PRKG1: variants seen among roughly 807,000 people sequenced by gnomAD.
PRKG1 encodes the protein protein kinase cGMP-dependent 1.
A neutral mutation model predicts 88.1 loss-of-function variants in PRKG1; 35 were observed. The observed-to-expected ratio is 0.40, with a 90% CI of 0.30 to 0.53. The LOEUF is 0.53. Ranked by LOEUF, PRKG1 falls within the 20% of genes least tolerant of loss-of-function variation. The pLI, the probability that PRKG1 is intolerant of heterozygous loss-of-function variation, is 0.59. For synonymous variants in PRKG1, 303 were observed against 292.5 expected, an observed-to-expected ratio of 1.04 and a Z score of -0.37; for missense variants, 540 against 839.8, an observed-to-expected ratio of 0.64 and a Z score of 4.41.
chr10:52,125,084 T>G (rs1208527963), intron 7 of PRKG1, among the ~76,000 whole-genome samples: 1 of 152,218 alleles, frequency 6.6e-6, no homozygotes, highest in South Asian at 2.1e-4. Flanking sequence ...AAAAGCATAA[T>G]GTAGTAAATA....
intron 9 of PRKG1, among the ~76,000 whole-genome samples, chr10:52,245,273 A>C (rs1300086648): frequency 6.6e-6 from 1 of 152,136 alleles, no homozygotes; most frequent in Non-Finnish European, 1.5e-5. Context: ...TGGTTACATA[A>C]AAAATGAAAG....
chr10:51,725,375 A>G (rs61100893), intron 3 of PRKG1, among the ~76,000 whole-genome samples: 3,589 of 152,170 alleles, frequency 0.024, 153 homozygotes, highest in African/African-American at 0.081. Context: ...AAGCCAGTGA[A>G]GTTACTGACT....
At chr10:52,161,282 C>T (rs73344942) in intron 8 of PRKG1, among the ~76,000 whole-genome samples, 7,500 of 152,052 alleles carry the variant, frequency 0.049, 522 homozygotes, top group African/African-American at 0.16. Context: ...TAAATCATTC[C>T]TCCTGTTATA....
At chr10:51,642,144 C>A (rs565344439) in intron 3 of PRKG1, among the ~76,000 whole-genome samples, 40 of 152,244 alleles carry the variant, frequency 2.6e-4, no homozygotes, top group Non-Finnish European at 5.0e-4. Context: ...GTAATCCCAG[C>A]ACTTTGGGAG....
chr10:51,614,256 T>G (rs1354610457), intron 3 of PRKG1, among the ~76,000 whole-genome samples: 1 of 151,452 alleles, frequency 6.6e-6, no homozygotes, highest in African/African-American at 2.4e-5. Flanking sequence ...TCTTCATCTA[T>G]TTTTTACTGT....
At chr10:51,195,045 A>C (rs1296853395) in intron 2 of PRKG1, among the ~76,000 whole-genome samples, 1 of 152,228 alleles carries the variant, frequency 6.6e-6, no homozygotes, top group Non-Finnish European at 1.5e-5. Flanking sequence ...TTCAAACCGT[A>C]GACTTGTGCT....
intron 3 of PRKG1, among the ~76,000 whole-genome samples, chr10:51,647,672 C>T (rs1000527986): frequency 2.0e-5 from 3 of 152,126 alleles, no homozygotes; most frequent in African/African-American, 7.2e-5. Flanking sequence ...TAACCCTAAC[C>T]TTTCTCGTTG....
chr10:51,201,897 A>T (rs1236238174), intron 2 of PRKG1, among the ~76,000 whole-genome samples: 3 of 152,254 alleles, frequency 2.0e-5, no homozygotes, highest in African/African-American at 7.2e-5. Context: ...ATAATACCCC[A>T]AACTGACAGA....
At chr10:51,887,447 GTATCATACA>G (rs1841600183) in intron 4 of PRKG1, among the ~76,000 whole-genome samples, 1 of 149,652 alleles carries the variant, frequency 6.7e-6, no homozygotes, top group African/African-American at 2.5e-5. Flanking sequence ...TGGGACTGCT[GTATCATACA>G]GTAGTTCTAT....
chr10:51,292,483 T>G (rs910303858), intron 2 of PRKG1, among the ~76,000 whole-genome samples: 2 of 152,188 alleles, frequency 1.3e-5, no homozygotes, highest in African/African-American at 4.8e-5. Context: ...TTCACCTCAT[T>G]GCTATTTTGG....
chr10:51,565,485 G>T (rs552902086), intron 3 of PRKG1, among the ~76,000 whole-genome samples: 1 of 152,078 alleles, frequency 6.6e-6, no homozygotes, highest in Non-Finnish European at 1.5e-5. Flanking sequence ...TACTGAAAGT[G>T]CCCAAGTGCC....
chr10:51,206,706 C>A (rs1015907474), intron 2 of PRKG1, among the ~76,000 whole-genome samples: 5 of 152,154 alleles, frequency 3.3e-5, no homozygotes, highest in African/African-American at 1.2e-4. Context: ...GCCTTGATCA[C>A]TCTTGTGTGA....
intron 2 of PRKG1, among the ~76,000 whole-genome samples, chr10:51,392,950 G>C (rs1222716661): frequency 1.4e-5 from 1 of 69,342 alleles, no homozygotes; most frequent in African/African-American, 4.4e-5. Flanking sequence ...GGCTGGCCGG[G>C]CTGAGGGCTG....
At chr10:51,243,876 C>T (rs1839218480) in intron 2 of PRKG1, among the ~76,000 whole-genome samples, 1 of 152,112 alleles carries the variant, frequency 6.6e-6, no homozygotes, top group Non-Finnish European at 1.5e-5. Context: ...TTGCCTTCTG[C>T]CATTTTCCTG....
At chr10:51,343,282 A>T (rs1292597241) in intron 2 of PRKG1, among the ~76,000 whole-genome samples, 1 of 152,040 alleles carries the variant, frequency 6.6e-6, no homozygotes, top group Non-Finnish European at 1.5e-5. Context: ...CTGGGGAGAG[A>T]TAATTACCCT....
At chr10:51,551,522 C>G (rs1380050516) in intron 3 of PRKG1, among the ~76,000 whole-genome samples, 3 of 151,602 alleles carry the variant, frequency 2.0e-5, no homozygotes, top group Non-Finnish European at 3.0e-5. Context: ...TAATTGAATA[C>G]AGTATATGTG....
At chr10:52,186,532 T>C (rs111321318) in intron 9 of PRKG1, among the ~76,000 whole-genome samples, 1 of 152,064 alleles carries the variant, frequency 6.6e-6, no homozygotes, top group African/African-American at 2.4e-5. Flanking sequence ...CATTTCAACA[T>C]GATATTTGGA....
At chr10:51,600,255 G>T (rs541272725) in intron 3 of PRKG1, among the ~76,000 whole-genome samples, 41 of 152,244 alleles carry the variant, frequency 2.7e-4, no homozygotes, top group South Asian at 1.2e-3. Flanking sequence ...GGAAGCATGT[G>T]TGTCTTAATA....
intron 12 of PRKG1, among the ~76,000 whole-genome samples, chr10:52,280,214 A>C (rs149359972): frequency 6.6e-6 from 1 of 152,164 alleles, no homozygotes; most frequent in Non-Finnish European, 1.5e-5. Flanking sequence ...CAGAAGTTTC[A>C]AAAACAGAAG....
Sources: allele counts gnomAD v4.1 joint callset (sites outside exome capture counted in the v4.1 genomes callset), GRCh38; gene constraint gnomAD v4.1.1; transcripts MANE v1.5; gene names NCBI Gene and HGNC (gene_info 2026-07-23, HGNC 2026-07-21).